The following HSBP1 variants were observed in gnomAD, a reference collection of about 807,000 sequenced individuals.
The protein encoded by HSBP1 is heat shock factor binding protein 1, also known as heat shock factor-binding protein 1.
Under a neutral mutation model 9.6 loss-of-function variants are expected in HSBP1, and 5 were observed. That is an observed-to-expected ratio of 0.52 (90% CI 0.27 to 1.09). The LOEUF (loss-of-function observed/expected upper bound fraction) is 1.09, where lower values mean the gene tolerates loss of function less well. HSBP1 is among the 50% of genes least tolerant of loss of function. The pLI is 0.11. For missense variants in HSBP1, 121 were observed against 96.3 expected (o/e 1.26, Z -1.07); for synonymous variants, 42 against 33.3 (o/e 1.26, Z -0.90).
rs966405529 is a variant in HSBP1 at position 83,813,724 on chromosome 16, G to C, written c.*2306G>C. 1 of 152,160 alleles carries C rather than the reference G, an allele frequency of 6.6e-6. No individual in the cohort carries two copies. The highest frequency in any genetic ancestry group is 2.4e-5 in the African/African-American group (1 of 41,418). 9.4% of individuals were successfully genotyped at this position (152,160 alleles called of 1,614,324 possible). ...GGGCTGAACAATACAGATGAGTATG[G>C]GGGCCCTCGCACCAAGGAAAACAGC... is the stretch of plus-strand genomic sequence containing the variant. On this transcript the variant is annotated 3_prime_UTR_variant, in exon 4 of 4. Coordinates refer to ENST00000433866, the MANE Select transcript of HSBP1 (RefSeq NM_001537.4).
In HSBP1 at chr16:83,815,653, C is replaced by G. The variant is rs1904703735; in HGVS notation, c.*4235C>G. Reference sequence around the variant, plus strand: ...GTACAACATCAGCCTCTGTGGGATCCCTGAGAATGATGAAATGTAATATGT... The same window carrying G: ...GTACAACATCAGCCTCTGTGGGATCGCTGAGAATGATGAAATGTAATATGT... On this transcript the variant is annotated 3_prime_UTR_variant, in exon 4 of 4. Transcript: ENST00000433866. 1.3e-5 allele frequency: 2 copies of G among 152,090 alleles called. No individual in the cohort carries two copies. The highest frequency in any genetic ancestry group is 2.4e-5 in the African/African-American group (1 of 41,386). 9.4% of individuals were successfully genotyped at this position (152,090 alleles called of 1,614,324 possible). A position where few individuals can be genotyped will look rare whatever the true frequency, so the allele number is the denominator to read the frequency against.
chr16:83,816,997 GCTGA>G lies in HSBP1; in HGVS notation c.*5583_*5586del, dbSNP rs565175971. The G allele has an allele frequency of 1.2e-3, 190 of 152,316 alleles. 1 individual carries two copies. Among genetic ancestry groups the G allele is most frequent in the African/African-American group, 4.3e-3 (177 of 41,556 alleles). The allele number at this position is 152,316 out of a possible 1,614,324, so 9.4% of individuals were successfully genotyped here. On this transcript the variant is annotated 3_prime_UTR_variant, in exon 4 of 4. Coordinates refer to ENST00000433866, the MANE Select transcript of HSBP1 (RefSeq NM_001537.4). ...ACTGGAGATGGTTAAATCGGAATTA[GCTGA>G]CTGTCAACCTTGGTGGCACATTAGA...
rs1455361230 is a variant in HSBP1, at chr16:83,819,067, G to C, written c.*7649G>C. On this transcript the variant is annotated 3_prime_UTR_variant, in exon 4 of 4. Coordinates refer to ENST00000433866, the MANE Select transcript of HSBP1 (RefSeq NM_001537.4). ...CCTCCAGGCGATTCTGAGAGTGAGA[G>C]AGCCAGGGCCTTCGGGCATCAACCT... is the stretch of plus-strand genomic sequence containing the variant. 1.3e-5 allele frequency: 2 copies of C among 152,022 alleles called. No homozygotes were observed. The highest frequency in any genetic ancestry group is 1.9e-4 in the East Asian group (1 of 5,152). The allele number at this position is 152,022 out of a possible 1,614,324, so 9.4% of individuals were successfully genotyped here.
At chr16:83,808,895 C>A (rs1004691828) in intron 2 of HSBP1, 149 bp downstream of exon 2, 9 of 657,248 alleles carry the variant, frequency 1.4e-5, no homozygotes, top group Admixed American at 5.5e-5. Context: ...CTGAGAAGGA[C>A]TGCGCCGAGA....
At position 83,813,709 on chromosome 16, in the gene HSBP1, A is replaced by T. The variant is rs1043355983; in HGVS notation, c.*2291A>T. 1.3e-5 allele frequency: 2 copies of T among 152,266 alleles called. No individual in the cohort carries two copies. Among genetic ancestry groups the T allele is most frequent in the African/African-American group, 4.8e-5 (2 of 41,466 alleles). The allele number at this position is 152,266 out of a possible 1,614,324, so 9.4% of individuals were successfully genotyped here. ...TGAAGATTCTCTTGAGGGCTGAACA[A>T]TACAGATGAGTATGGGGGCCCTCGC... On this transcript the variant is annotated 3_prime_UTR_variant, in exon 4 of 4. Coordinates refer to ENST00000433866, the MANE Select transcript of HSBP1 (RefSeq NM_001537.4).
In HSBP1 at chr16:83,815,606, G is replaced by A. The variant is rs1183396255; in HGVS notation, c.*4188G>A. ...GGAAGCTCCTCAGACCGCTGCCTAG[G>A]GTTCGAGTGATCCTGAAAGCTGTAC... On this transcript the variant is annotated 3_prime_UTR_variant, in exon 4 of 4. Coordinates refer to ENST00000433866, the MANE Select transcript of HSBP1 (RefSeq NM_001537.4). 3 of 152,096 alleles carry A rather than the reference G, an allele frequency of 2.0e-5. No individual in the cohort carries two copies. The highest frequency in any genetic ancestry group is 4.4e-5 in the Non-Finnish European group (3 of 68,030). 9.4% of individuals were successfully genotyped at this position (152,096 alleles called of 1,614,324 possible). A position where few individuals can be genotyped will look rare whatever the true frequency, so the allele number is the denominator to read the frequency against.
At position 83,812,265 on chromosome 16, in the gene HSBP1, C is replaced by G. The variant is rs1904617456; in HGVS notation, c.*847C>G. 6.6e-6 allele frequency: 1 copy of G among 152,570 alleles called. No homozygotes were observed. The highest frequency in any genetic ancestry group is 1.5e-5 in the Non-Finnish European group (1 of 68,038). The allele number at this position is 152,570 out of a possible 1,614,324, so 9.5% of individuals were successfully genotyped here. On this transcript the variant is annotated 3_prime_UTR_variant, in exon 4 of 4. Coordinates refer to ENST00000433866, the MANE Select transcript of HSBP1 (RefSeq NM_001537.4). ...AAAAGAAAGAGAGAAGGAAAAGAGA[C>G]CATATTAAGTCCATGCCAGTTGCTT... is the stretch of plus-strand genomic sequence containing the variant.
rs34576085 is a variant in HSBP1, at chr16:83,809,462, CTTTTTTTTTTTTT to C, written c.*2+48_*2+60del. ...GGCAATTTTTTTTTTCTTTTCTTTTCTTTTTTTTTTTTTTTTTTTTTTTGACACGGAGTTTTGC... is the reference window on the plus strand; with the variant it reads ...GGCAATTTTTTTTTTCTTTTCTTTTCTTTTTTTTTTGACACGGAGTTTTGC... On this transcript the variant is annotated intron_variant, in intron 3 of 3. Coordinates refer to ENST00000433866, the MANE Select transcript of HSBP1 (RefSeq NM_001537.4). The C allele has an allele frequency of 2.9e-5, 12 of 408,414 alleles. No individual in the cohort carries two copies. The African/African-American group carries it at 3.1e-4, about 11-fold the overall frequency. The allele number at this position is 408,414 out of a possible 1,614,324, so 25.3% of individuals were successfully genotyped here.
rs1013673058 is a variant in HSBP1 at position 83,818,106 on chromosome 16, C to G, written c.*6688C>G. On this transcript the variant is annotated 3_prime_UTR_variant, in exon 4 of 4. Transcript: ENST00000433866. The stretch of plus-strand genomic sequence containing the variant: ...TAGAATTTTAGAGGTTCATGGTTAC[C>G]GTGGGTCGGCACTGGGTCTGTGAGC... The G allele has an allele frequency of 3.3e-5, 5 of 152,122 alleles. No homozygotes were observed. The highest frequency in any genetic ancestry group is 6.5e-5 in the Admixed American group (1 of 15,270). The allele number at this position is 152,122 out of a possible 1,614,324, so 9.4% of individuals were successfully genotyped here. A position where few individuals can be genotyped will look rare whatever the true frequency, so the allele number is the denominator to read the frequency against.
At chr16:83,808,351 C>T (rs1030147073) in intron 1 of HSBP1, 1 of 552,336 alleles carries the variant, frequency 1.8e-6, no homozygotes, top group Non-Finnish European at 3.2e-6. Flanking sequence ...TAGCCCCATT[C>T]ATCTGTCGCG....
Position 83,808,062 on chromosome 16 carries a change from C to T in HSBP1, c.-15C>T, listed in dbSNP as rs766129130. Reference sequence around the variant, plus strand: ...TACGGTCTGAGACATCACCGCCAAGCTGGGCATCGGGGAGATGGCCGAGAC... The same window carrying T: ...TACGGTCTGAGACATCACCGCCAAGTTGGGCATCGGGGAGATGGCCGAGAC... On this transcript the variant is annotated 5_prime_UTR_variant, in exon 1 of 4. Coordinates refer to ENST00000433866, the MANE Select transcript of HSBP1 (RefSeq NM_001537.4). 1.3e-6 allele frequency: 2 copies of T among 1,542,186 alleles called. No homozygotes were observed. The highest frequency in any genetic ancestry group is 8.8e-7 in the Non-Finnish European group (1 of 1,142,540).
chr16:83,808,594 C>A, intron 1 of HSBP1, 86 bp from the exon 2 acceptor site: 3 of 1,058,780 alleles, frequency 2.8e-6, no homozygotes, highest in Non-Finnish European at 4.2e-6. Context: ...GGGGCTGGAA[C>A]CCCGGGACCA....
rs1480805243 is a variant in HSBP1 at position 83,814,137 on chromosome 16, T to A, written c.*2719T>A. Reference sequence around the variant, plus strand: ...TTTATTTTGTATTTTGCACATTATATATTTTGATTAGATTAAAATGGAGGA... The same window carrying A: ...TTTATTTTGTATTTTGCACATTATAAATTTTGATTAGATTAAAATGGAGGA... On this transcript the variant is annotated 3_prime_UTR_variant, in exon 4 of 4. Transcript: ENST00000433866. 6.6e-6 allele frequency: 1 copy of A among 152,222 alleles called. No individual in the cohort carries two copies. Among genetic ancestry groups the A allele is most frequent in the Middle Eastern group, 3.2e-3 (1 of 316 alleles). The allele number at this position is 152,222 out of a possible 1,614,324, so 9.4% of individuals were successfully genotyped here.
chr16:83,808,198 C>T (rs891322145), intron 1 of HSBP1, 77 bp downstream of exon 1: 1 of 1,255,368 alleles, frequency 8.0e-7, no homozygotes, highest in African/African-American at 1.6e-5. Flanking sequence ...GACAGAGGCG[C>T]GCCCACCGCG....
In HSBP1 at chr16:83,811,920, A is replaced by C. The variant is rs1597255331; in HGVS notation, c.*502A>C. The C allele has an allele frequency of 6.6e-6, 1 of 152,388 alleles. No individual in the cohort carries two copies. The highest frequency in any genetic ancestry group is 2.4e-5 in the African/African-American group (1 of 41,466). 9.4% of individuals were successfully genotyped at this position (152,388 alleles called of 1,614,324 possible). ...CAATACTTTTCAAATGGCTGAAAAC[A>C]CCTAAAAATTGTTCATTCAGAAATA... On this transcript the variant is annotated 3_prime_UTR_variant, in exon 4 of 4. Coordinates refer to ENST00000433866, the MANE Select transcript of HSBP1 (RefSeq NM_001537.4).
rs144396633 is a variant in HSBP1, at chr16:83,810,096, A to G, written c.*2+671A>G. On this transcript the variant is annotated intron_variant, in intron 3 of 3. Transcript: ENST00000433866. ...AAAGCCTGTCACTGGAAGATTTTCC[A>G]TTGCTTTTTTTTTTTTTTATGGAAA... is the stretch of plus-strand genomic sequence containing the variant. Among the ~76,000 whole-genome samples, 106 of 148,928 alleles carry G rather than the reference A, an allele frequency of 7.1e-4. 1 individual carries two copies. Among genetic ancestry groups the G allele is most frequent in the African/African-American group, 2.3e-3 (95 of 40,594 alleles).
rs558007337 is a variant in HSBP1, at chr16:83,808,250, C to G, written c.45+129C>G. ...GCCGAGGCCCCGTTTCTGGAAGCGTCTCTGGCCGAGGCTCCCGGCCACCTT... is the reference window on the plus strand; with the variant it reads ...GCCGAGGCCCCGTTTCTGGAAGCGTGTCTGGCCGAGGCTCCCGGCCACCTT... On this transcript the variant is annotated intron_variant, in intron 1 of 3. Coordinates refer to ENST00000433866, the MANE Select transcript of HSBP1 (RefSeq NM_001537.4). 1.6e-5 allele frequency: 13 copies of G among 814,734 alleles called. No individual in the cohort carries two copies. The East Asian group carries it at 4.1e-4, about 26-fold the overall frequency. 50.5% of individuals were successfully genotyped at this position (814,734 alleles called of 1,614,324 possible).
At position 83,809,410 on chromosome 16, in the gene HSBP1, C is replaced by T; in HGVS notation, c.218C>T (p.Thr73Met). The change falls in exon 3 of 4, where the codon ACG becomes ATG. Residue 73 changes from threonine to methionine, a missense_variant. Transcript: ENST00000433866. ...ELESENKIPA[T>M]QKS ...GAAAGTGAAAACAAGATACCTGCCA[C>T]GCAAAAGAGTTGAAGGTGAGGAAGG... is the stretch of plus-strand genomic sequence containing the variant. The T allele has an allele frequency of 6.3e-7, 1 of 1,582,652 alleles. No individual in the cohort carries two copies. Among genetic ancestry groups the T allele is most frequent in the South Asian group, 1.1e-5 (1 of 87,486 alleles).
At chr16:83,809,988 G>A (rs1904563218) in intron 3 of HSBP1, among the ~76,000 whole-genome samples, 1 of 151,930 alleles carries the variant, frequency 6.6e-6, no homozygotes, top group Non-Finnish European at 1.5e-5. Context: ...GTCACTATTA[G>A]TGAAGACCAC....
Sources: gnomAD v4.1 joint callset for allele counts (sites outside exome capture counted in the v4.1 genomes callset) on GRCh38, gnomAD v4.1.1 for gene constraint, MANE v1.5 for transcripts, NCBI Gene and HGNC (gene_info 2026-07-23, HGNC 2026-07-21) for gene names.